Variants in KIF13A observed in about 807,000 individuals in gnomAD.
KIF13A encodes the protein kinesin-like protein KIF13A.
KIF13A carries 79 observed loss-of-function variants against 212.2 expected under a neutral mutation model. That is an observed-to-expected ratio of 0.37 (90% CI 0.31 to 0.45). The LOEUF is 0.45. Ranked by LOEUF, KIF13A falls within the 20% of genes least tolerant of loss-of-function variation. KIF13A has a pLI of 1.00. For synonymous variants in KIF13A, 789 were observed against 808.6 expected (o/e 0.98, Z 0.41); for missense variants, 1,901 against 2,209.0 (o/e 0.86, Z 2.79).
At chr6:17,944,971 A>C (rs567853808) in intron 2 of KIF13A, among the ~76,000 whole-genome samples, 1 of 152,198 alleles carries the variant, frequency 6.6e-6, no homozygotes. Context: ...AGAGAATGCA[A>C]CTTAAAATGA....
chr6:17,925,558 G>C (rs759926390), intron 2 of KIF13A, among the ~76,000 whole-genome samples: 2 of 152,142 alleles, frequency 1.3e-5, no homozygotes, highest in Non-Finnish European at 2.9e-5. Context: ...CACTTTGAAG[G>C]CACAAATCTA....
intron 20 of KIF13A, among the ~76,000 whole-genome samples, chr6:17,803,122 G>C (rs1165298599): frequency 6.6e-6 from 1 of 151,922 alleles, no homozygotes; most frequent in East Asian, 1.9e-4. Flanking sequence ...TTTTAGTAGA[G>C]ACGGGGTTTC....
intron 2 of KIF13A, among the ~76,000 whole-genome samples, chr6:17,976,474 G>A (rs575857283): frequency 6.6e-6 from 1 of 152,230 alleles, no homozygotes; most frequent in Non-Finnish European, 1.5e-5. Context: ...CCGGCTGGCT[G>A]CTCCGAATGC....
intron 17 of KIF13A, among the ~76,000 whole-genome samples, chr6:17,813,628 C>T (rs1392963822): frequency 6.6e-6 from 1 of 152,158 alleles, no homozygotes; most frequent in South Asian, 2.1e-4. Context: ...CTGTTGCGAG[C>T]CTTGCGCTGC....
rs1763247747 is a variant in KIF13A at position 17,809,439 on chromosome 6, A to G, written c.2001-509T>C. Among the ~76,000 whole-genome samples the G allele has an allele frequency of 6.6e-6, 1 of 152,226 alleles. No individual in the cohort carries two copies. The highest frequency in any genetic ancestry group is 1.5e-5 in the Non-Finnish European group (1 of 68,036). The stretch of plus-strand genomic sequence containing the variant: ...TGTACAACATTACTTGCTGATAAAA[A>G]GCTTCTCTAATATCCCAGATTGGTC... On this transcript the variant is annotated intron_variant, in intron 17 of 38. Coordinates refer to ENST00000259711, the MANE Select transcript of KIF13A (RefSeq NM_022113.6). The surrounding 1 kb of genome is among the most constrained non-coding windows in gnomAD (Gnocchi z 4.7).
intron 9 of KIF13A, among the ~76,000 whole-genome samples, chr6:17,846,003 A>T (rs1485039404): frequency 6.6e-6 from 1 of 151,348 alleles, no homozygotes; most frequent in Non-Finnish European, 1.5e-5. Context: ...AGAAAGCTTA[A>T]GAACATGTCA....
intron 2 of KIF13A, among the ~76,000 whole-genome samples, chr6:17,955,243 C>G (rs1021283230): frequency 6.6e-6 from 1 of 152,214 alleles, no homozygotes; most frequent in African/African-American, 2.4e-5. Context: ...GTTAAAGTTA[C>G]TCCAGATCCT....
chr6:17,840,458 A>C (rs1766401438), intron 9 of KIF13A, among the ~76,000 whole-genome samples: 1 of 152,214 alleles, frequency 6.6e-6, no homozygotes, highest in Non-Finnish European at 1.5e-5. Context: ...CAGATATTTT[A>C]CTATCTATGT....
Position 17,794,668 on chromosome 6 carries a change from G to A in KIF13A, c.2979C>T (p.Ile993=), listed in dbSNP as rs755954604. The change falls in exon 24 of 39, where the codon ATC becomes ATT. Residue 993 remains isoleucine, a synonymous_variant. Coordinates refer to ENST00000259711, the MANE Select transcript of KIF13A (RefSeq NM_022113.6). The surrounding 1 kb of genome is among the most constrained non-coding windows in gnomAD (Gnocchi z 4.1). ...NEVTRRIEMW[I]SILELNELGE... ...CTAACTCATTCAATTCTAATATGGA[G>A]ATCCACATTTCTATTCTTCGCGTTA... 1.2e-6 allele frequency: 2 copies of A among 1,611,596 alleles called. No individual in the cohort carries two copies. The highest frequency in any genetic ancestry group is 3.4e-5 in the Admixed American group (2 of 59,688).
intron 2 of KIF13A, among the ~76,000 whole-genome samples, chr6:17,931,419 C>T (rs1293524640): frequency 6.6e-6 from 1 of 152,166 alleles, no homozygotes; most frequent in Non-Finnish European, 1.5e-5. Flanking sequence ...ACCTATTGAA[C>T]ACTTACCATG....
At chr6:17,977,767 A>G (rs939711820) in intron 2 of KIF13A, among the ~76,000 whole-genome samples, 7 of 152,184 alleles carry the variant, frequency 4.6e-5, no homozygotes, top group Non-Finnish European at 8.8e-5. Context: ...TTTGTTACAT[A>G]TTGTATACAT....
chr6:17,779,780 C>T lies in KIF13A; in HGVS notation c.3847-96G>A, dbSNP rs1002044724. On this transcript the variant is annotated intron_variant, in intron 31 of 38. Transcript: ENST00000259711. Reference sequence around the variant, plus strand: ...TTTTTGAGATGGAGTCTCGCTGTCGCCCAGGCTGGAGGGCAGTGGCGCGAT... The same window carrying T: ...TTTTTGAGATGGAGTCTCGCTGTCGTCCAGGCTGGAGGGCAGTGGCGCGAT... The T allele has an allele frequency of 7.9e-6, 4 of 507,412 alleles. No individual in the cohort carries two copies. The Admixed American group carries it at 1.1e-4, about 13-fold the overall frequency. 31.4% of individuals were successfully genotyped at this position (507,412 alleles called of 1,614,324 possible).
rs1258101137 is a variant in KIF13A, at chr6:17,786,968, A to G, written c.3361+808T>C. Among the ~76,000 whole-genome samples, 1 of 152,206 alleles carries G rather than the reference A, an allele frequency of 6.6e-6. No individual in the cohort carries two copies. Among genetic ancestry groups the G allele is most frequent in the African/African-American group, 2.4e-5 (1 of 41,442 alleles). ...GATTTTAAGTGCATATTTCTACTCTAGAATCCAAGTGGCCACTGCTAGCAT... is the reference window on the plus strand; with the variant it reads ...GATTTTAAGTGCATATTTCTACTCTGGAATCCAAGTGGCCACTGCTAGCAT... On this transcript the variant is annotated intron_variant, in intron 27 of 38. Transcript: ENST00000259711. The surrounding 1 kb of genome is among the most constrained non-coding windows in gnomAD (Gnocchi z 5.4).
At chr6:17,869,169 G>A (rs533067164) in intron 4 of KIF13A, among the ~76,000 whole-genome samples, 78 of 152,190 alleles carry the variant, frequency 5.1e-4, no homozygotes, top group African/African-American at 1.8e-3. Context: ...TTATCAGAGA[G>A]CTGGAGGGGA....
At chr6:17,823,930 T>TTTG in intron 16 of KIF13A, among the ~76,000 whole-genome samples, 1 of 149,642 alleles carries the variant, frequency 6.7e-6, no homozygotes, top group South Asian at 2.2e-4. Context: ...TTTTTTTTTT[T>TTTG]GATAAGGAGT....
chr6:17,951,277 G>T lies in KIF13A; in HGVS notation c.146+35777C>A. On this transcript the variant is annotated intron_variant, in intron 2 of 38. Transcript: ENST00000259711. This position sits in a 1 kb window ranked among gnomAD's most constrained non-coding sequence, Gnocchi z 4.9. ...TGAGTAGCTGGGACCACAGGTATGC[G>T]CCACCACGTCCAGCTAATTTTAAAC... 1.7e-6 allele frequency: 1 copy of T among 597,808 alleles called. No homozygotes were observed. The highest frequency in any genetic ancestry group is 2.8e-6 in the Non-Finnish European group (1 of 351,254). 37.0% of individuals were successfully genotyped at this position (597,808 alleles called of 1,614,324 possible). A position where few individuals can be genotyped will look rare whatever the true frequency, so the allele number is the denominator to read the frequency against.
chr6:17,986,033 T>C (rs751746554), intron 2 of KIF13A, among the ~76,000 whole-genome samples: 10 of 152,356 alleles, frequency 6.6e-5, no homozygotes, highest in Middle Eastern at 3.4e-3. Flanking sequence ...AATGGAGGCA[T>C]TGCTTCTCTA....
chr6:17,930,870 G>A (rs1775927095), intron 2 of KIF13A, among the ~76,000 whole-genome samples: 2 of 152,158 alleles, frequency 1.3e-5, no homozygotes, highest in South Asian at 4.1e-4. Flanking sequence ...GTTTACACAA[G>A]GGGTTAAGGA....
At chr6:17,985,076 A>C (rs139169361) in intron 2 of KIF13A, among the ~76,000 whole-genome samples, 2 of 152,378 alleles carry the variant, frequency 1.3e-5, no homozygotes, top group East Asian at 3.9e-4. Flanking sequence ...ATGTACAAGG[A>C]GCACTGTTTT....
Sources: allele counts gnomAD v4.1 joint callset (sites outside exome capture counted in the v4.1 genomes callset), GRCh38; gene constraint gnomAD v4.1.1; non-coding constraint Gnocchi (gnomAD v3.1); transcripts MANE v1.5; gene names NCBI Gene and HGNC (gene_info 2026-07-23, HGNC 2026-07-21).